Variants in PBX1 observed in about 807,000 individuals in gnomAD.
PBX1 encodes pre-B-cell leukemia transcription factor 1.
In PBX1, 6 loss-of-function variants were observed where a neutral mutation model predicts 53.4. The ratio of observed to expected loss-of-function variants is 0.11; its 90% CI spans 0.06 to 0.22. PBX1 has a LOEUF of 0.22. PBX1 is among the 10% of genes least tolerant of loss of function. The pLI, the probability that PBX1 is intolerant of heterozygous loss-of-function variation, is 1.00. For missense variants in PBX1, 251 were observed against 551.4 expected, an observed-to-expected ratio of 0.46 and a Z score of 5.46; for synonymous variants, 204 against 212.3, an observed-to-expected ratio of 0.96 and a Z score of 0.34.
At chr1:164,642,355 C>T (rs1659194308) in intron 2 of PBX1, among the ~76,000 whole-genome samples, 1 of 152,144 alleles carries the variant, frequency 6.6e-6, no homozygotes, top group Non-Finnish European at 1.5e-5. Flanking sequence ...AGGTATGACC[C>T]CAGATATTTG....
intron 2 of PBX1, among the ~76,000 whole-genome samples, chr1:164,728,330 AAGAGAG>A (rs551533075): frequency 3.0e-4 from 45 of 149,504 alleles, no homozygotes; most frequent in African/African-American, 7.5e-4. Flanking sequence ...AAAAAAAAAA[AAGAGAG>A]AGAGAGAGAG....
chr1:164,854,942 TCTC>T (rs1428504962), downstream of PBX1, among the ~76,000 whole-genome samples: 4 of 139,766 alleles, frequency 2.9e-5, no homozygotes, highest in Admixed American at 7.1e-5. Context: ...TCTCTCTCTC[TCTC>T]TTTTTTTTTT....
intron 3 of PBX1, among the ~76,000 whole-genome samples, chr1:164,795,816 G>A (rs1385294891): frequency 6.6e-6 from 1 of 152,060 alleles, no homozygotes; most frequent in African/African-American, 2.4e-5. Flanking sequence ...TATTTTAGTA[G>A]TACCTACCTG....
intron 2 of PBX1, among the ~76,000 whole-genome samples, chr1:164,583,805 C>T (rs1047048935): frequency 6.6e-5 from 10 of 152,172 alleles, no homozygotes; most frequent in Non-Finnish European, 1.5e-4. Context: ...ACTTCTATGG[C>T]AGGCAGAGTG....
chr1:164,628,063 T>G (rs768030579), intron 2 of PBX1, among the ~76,000 whole-genome samples: 6 of 152,192 alleles, frequency 3.9e-5, no homozygotes, highest in Admixed American at 1.3e-4. Flanking sequence ...AGCACAGTGC[T>G]CAGTGAAATC....
intron 2 of PBX1, among the ~76,000 whole-genome samples, chr1:164,656,847 T>G (rs1448903704): frequency 1.3e-5 from 2 of 151,984 alleles, no homozygotes; most frequent in Non-Finnish European, 2.9e-5. Flanking sequence ...TTACATATAT[T>G]ATATTATCAT....
chr1:164,562,437 C>T (rs1653120098), intron 1 of PBX1, among the ~76,000 whole-genome samples: 1 of 139,990 alleles, frequency 7.1e-6, no homozygotes, highest in Non-Finnish European at 1.5e-5. Context: ...TTTTGTTCCT[C>T]AAGTGCATTC....
At chr1:164,759,177 G>C (rs1363681171) in intron 2 of PBX1, among the ~76,000 whole-genome samples, 2 of 152,162 alleles carry the variant, frequency 1.3e-5, no homozygotes, top group East Asian at 3.8e-4. Context: ...TGCCTTTAAA[G>C]GATAGTGTCG....
chr1:164,564,746 T>C (rs1653311658), intron 2 of PBX1, among the ~76,000 whole-genome samples: 1 of 152,064 alleles, frequency 6.6e-6, no homozygotes, highest in Non-Finnish European at 1.5e-5. Flanking sequence ...CAAAAGAGTT[T>C]TTTCCAGTTT....
chr1:164,822,535 C>A (rs1191336168), intron 8 of PBX1, among the ~76,000 whole-genome samples: 3 of 152,110 alleles, frequency 2.0e-5, no homozygotes, highest in Non-Finnish European at 4.4e-5. Context: ...TTAATGTAAT[C>A]TATACTAATG....
chr1:164,854,005 A>G (rs1353585528), downstream of PBX1, among the ~76,000 whole-genome samples: 2 of 151,350 alleles, frequency 1.3e-5, no homozygotes, highest in Non-Finnish European at 2.9e-5. Flanking sequence ...TCCTGGGTTC[A>G]AGCAATTCTC....
chr1:164,864,363 T>G (rs1314370556), intron 2 of PBX1, among the ~76,000 whole-genome samples: 1 of 152,188 alleles, frequency 6.6e-6, no homozygotes, highest in Non-Finnish European at 1.5e-5. Flanking sequence ...CTACTAAACT[T>G]GCCTGTGGGG....
chr1:164,876,570 T>C (rs1458869848), intron 2 of PBX1, among the ~76,000 whole-genome samples: 1 of 152,094 alleles, frequency 6.6e-6, no homozygotes, highest in Non-Finnish European at 1.5e-5. Context: ...TTAACATTTA[T>C]TGAGCGCCTC....
chr1:164,812,172 G>C, intron 6 of PBX1, 23 bp downstream of exon 6: 1 of 1,592,752 alleles, frequency 6.3e-7, no homozygotes, highest in African/African-American at 1.3e-5. Context: ...TTTGATTGGG[G>C]GTGGGGGAAG....
At chr1:164,700,434 T>C (rs1470712395) in intron 2 of PBX1, 2 of 984,858 alleles carry the variant, frequency 2.0e-6, no homozygotes, top group Non-Finnish European at 2.4e-6. Flanking sequence ...AGAAGTGCTT[T>C]GGTTACGTAG....
In PBX1 at chr1:164,737,813, G is replaced by T. The variant is rs79441171; in HGVS notation, c.266-54681G>T. On this transcript the variant is annotated intron_variant, in intron 2 of 8. Transcript: ENST00000420696. ...ACAAATATATGTTTTCCTCTCTCCA[G>T]TCACAATCCCAATAAAGACAAGAGC... is the stretch of plus-strand genomic sequence containing the variant. Among the ~76,000 whole-genome samples, 191 of 152,114 alleles carry T rather than the reference G, an allele frequency of 1.3e-3. 1 individual carries two copies. The highest frequency in any genetic ancestry group is 4.3e-3 in the African/African-American group (179 of 41,506).
chr1:164,748,223 G>A (rs535015409), intron 2 of PBX1, among the ~76,000 whole-genome samples: 17 of 152,250 alleles, frequency 1.1e-4, no homozygotes, highest in African/African-American at 3.6e-4. Context: ...ACCATAAATA[G>A]TAATTGTACA....
intron 2 of PBX1, among the ~76,000 whole-genome samples, chr1:164,788,454 A>G (rs950314669): frequency 6.6e-6 from 1 of 151,264 alleles, no homozygotes; most frequent in Non-Finnish European, 1.5e-5. Context: ...CCCATTCTTA[A>G]TAGTGGTATA....
chr1:164,603,451 A>G (rs1656317683), intron 2 of PBX1, among the ~76,000 whole-genome samples: 1 of 152,212 alleles, frequency 6.6e-6, no homozygotes. Context: ...CAGTGCTGGT[A>G]TAATTATACC....
Sources: gnomAD v4.1 joint callset for allele counts (sites outside exome capture counted in the v4.1 genomes callset) on GRCh38, gnomAD v4.1.1 for gene constraint, MANE v1.5 for transcripts, NCBI Gene and HGNC (gene_info 2026-07-23, HGNC 2026-07-21) for gene names.